Variants in KCNH5 observed in about 807,000 individuals in gnomAD.
KCNH5 encodes the protein potassium voltage-gated channel subfamily H member 5.
In KCNH5, 46 loss-of-function variants were observed where a neutral mutation model predicts 96.1. The observed-to-expected ratio is 0.48, with a 90% CI of 0.38 to 0.61. KCNH5 has a LOEUF of 0.61. KCNH5 is among the 20% of genes least tolerant of loss of function. The pLI, the probability that KCNH5 is intolerant of heterozygous loss-of-function variation, is 0.00. For missense variants in KCNH5, 907 were observed against 1,225.8 expected, an observed-to-expected ratio of 0.74 and a Z score of 3.88; for synonymous variants, 439 against 449.8, an observed-to-expected ratio of 0.98 and a Z score of 0.30.
intron 8 of KCNH5, among the ~76,000 whole-genome samples, chr14:62,825,686 T>C (rs1887208444): frequency 6.6e-6 from 1 of 152,166 alleles, no homozygotes; most frequent in Admixed American, 6.6e-5. Flanking sequence ...ATATAGTCTA[T>C]ATATTTCCAG....
chr14:62,772,210 C>T (rs1595615462), intron 10 of KCNH5, among the ~76,000 whole-genome samples: 3 of 151,932 alleles, frequency 2.0e-5, no homozygotes, highest in Admixed American at 1.3e-4. Context: ...TCCTTCCCTT[C>T]CTTTTTTTTT....
At chr14:62,833,805 G>C (rs1042352986) in intron 8 of KCNH5, among the ~76,000 whole-genome samples, 4 of 151,796 alleles carry the variant, frequency 2.6e-5, no homozygotes, top group African/African-American at 9.7e-5. Context: ...ATCTAAATTT[G>C]CCTGTCTTTA....
intron 6 of KCNH5, among the ~76,000 whole-genome samples, chr14:62,969,898 T>A (rs1046643454): frequency 1.3e-5 from 2 of 149,228 alleles, no homozygotes; most frequent in African/African-American, 4.9e-5. Flanking sequence ...CCTGTCTCTA[T>A]CAAGATACAA....
intron 7 of KCNH5, among the ~76,000 whole-genome samples, chr14:62,883,776 A>G (rs897773342): frequency 2.6e-5 from 4 of 151,842 alleles, no homozygotes; most frequent in Non-Finnish European, 5.9e-5. Context: ...TAATAATACT[A>G]TTACAATAAT....
intron 5 of KCNH5, among the ~76,000 whole-genome samples, chr14:62,982,342 A>G (rs1890626532): frequency 6.6e-6 from 1 of 152,164 alleles, no homozygotes; most frequent in South Asian, 2.1e-4. Context: ...AAAAAAAGAC[A>G]GTTGAAGGGA....
chr14:62,909,139 G>A (rs888743097), intron 7 of KCNH5, among the ~76,000 whole-genome samples: 9 of 133,886 alleles, frequency 6.7e-5, no homozygotes, highest in East Asian at 2.3e-4. Context: ...TCCGCCTCCC[G>A]GGTTCACGCC....
intron 9 of KCNH5, among the ~76,000 whole-genome samples, chr14:62,796,967 T>A (rs1886554501): frequency 1.3e-5 from 2 of 152,166 alleles, no homozygotes; most frequent in Non-Finnish European, 2.9e-5. Context: ...CAGATATGCA[T>A]CTATCTTAGT....
intron 1 of KCNH5, among the ~76,000 whole-genome samples, chr14:63,038,535 A>G (rs1891765572): frequency 6.6e-6 from 1 of 152,166 alleles, no homozygotes; most frequent in Non-Finnish European, 1.5e-5. Context: ...TAAAATTTCC[A>G]ATAGCTTTCT....
At chr14:62,918,502 T>C (rs1002527026) in intron 7 of KCNH5, among the ~76,000 whole-genome samples, 1 of 152,134 alleles carries the variant, frequency 6.6e-6, no homozygotes, top group African/African-American at 2.4e-5. Context: ...ATATCGCTAA[T>C]ATGTTTTTTA....
chr14:62,883,715 G>T (rs922996515), intron 7 of KCNH5, among the ~76,000 whole-genome samples: 1 of 151,834 alleles, frequency 6.6e-6, no homozygotes, highest in Non-Finnish European at 1.5e-5. Context: ...TACTTTTCAC[G>T]TTACACACTG....
At chr14:62,993,083 A>C (rs554021472) in intron 4 of KCNH5, among the ~76,000 whole-genome samples, 8 of 151,956 alleles carry the variant, frequency 5.3e-5, no homozygotes, top group Non-Finnish European at 1.0e-4. Context: ...CCTTTCCCCA[A>C]TATATGTTCT....
chr14:62,768,025 G>C (rs1377229487), intron 10 of KCNH5, among the ~76,000 whole-genome samples: 3 of 152,106 alleles, frequency 2.0e-5, no homozygotes, highest in Non-Finnish European at 2.9e-5. Flanking sequence ...TGAACCTAGA[G>C]TGTGGCATGA....
At chr14:62,796,181 G>T (rs147554786) in intron 9 of KCNH5, among the ~76,000 whole-genome samples, 2 of 152,236 alleles carry the variant, frequency 1.3e-5, no homozygotes, top group Non-Finnish European at 2.9e-5. Context: ...GAAGATTATT[G>T]TGGTGGCAGC....
At chr14:62,871,956 A>C (rs1888264675) in intron 7 of KCNH5, among the ~76,000 whole-genome samples, 1 of 152,200 alleles carries the variant, frequency 6.6e-6, no homozygotes, top group Non-Finnish European at 1.5e-5. Flanking sequence ...CTCTGATCCC[A>C]TTAAATTCCT....
At chr14:62,813,398 G>A (rs1369506417) in intron 8 of KCNH5, among the ~76,000 whole-genome samples, 2 of 152,116 alleles carry the variant, frequency 1.3e-5, no homozygotes, top group African/African-American at 2.4e-5. Flanking sequence ...AATTTCTAAT[G>A]TGCAAATGGG....
At chr14:62,998,350 C>A (rs1890948977) in intron 4 of KCNH5, among the ~76,000 whole-genome samples, 1 of 151,966 alleles carries the variant, frequency 6.6e-6, no homozygotes, top group Admixed American at 6.6e-5. Context: ...ACCCTTTTTT[C>A]TCAGTTAGCC....
At position 62,785,212 on chromosome 14, in the gene KCNH5, ATTAATTAATTTAC is replaced by A. The variant is rs778749474; in HGVS notation, c.1823-5301_1823-5289del. ...GGGACTATGGTCATCTTTTAAAAAA[ATTAATTAATTTAC>A]CAGCCAAAGTAAAGTTGGTTAATGT... is the stretch of plus-strand genomic sequence containing the variant. On this transcript the variant is annotated intron_variant, in intron 9 of 10. Transcript: ENST00000322893. 7.5e-3 allele frequency among the ~76,000 whole-genome samples: 1,146 copies of A among 152,324 alleles called. 13 individuals are homozygous for A. Among genetic ancestry groups the A allele is most frequent in the Middle Eastern group, 0.027 (8 of 294 alleles).
At chr14:62,961,831 G>C (rs374216284) in intron 6 of KCNH5, among the ~76,000 whole-genome samples, 5 of 151,866 alleles carry the variant, frequency 3.3e-5, no homozygotes, top group African/African-American at 9.7e-5. Context: ...TGCAGATAGA[G>C]ATGGAGATGG....
chr14:62,793,897 T>C (rs1339643317), intron 9 of KCNH5, among the ~76,000 whole-genome samples: 2 of 151,916 alleles, frequency 1.3e-5, no homozygotes, highest in African/African-American at 2.4e-5. Flanking sequence ...TGTTTTTAAT[T>C]TAAAGAAATT....
Sources: allele counts gnomAD v4.1 joint callset (sites outside exome capture counted in the v4.1 genomes callset), GRCh38; gene constraint gnomAD v4.1.1; transcripts MANE v1.5; gene names NCBI Gene and HGNC (gene_info 2026-07-23, HGNC 2026-07-21).